TCF4: variants seen among roughly 807,000 people sequenced by gnomAD.
TCF4 encodes the protein transcription factor 4.
A neutral mutation model predicts 82.1 loss-of-function variants in TCF4; 3 were observed. The observed-to-expected ratio is 0.04, with a 90% CI of 0.02 to 0.09. The LOEUF (loss-of-function observed/expected upper bound fraction) is 0.09, where lower values mean the gene tolerates loss of function less well. TCF4 is among the 10% of genes least tolerant of loss of function. The probability of loss-of-function intolerance (pLI) is 1.00; values close to 1 mark genes in which losing one functional copy is unlikely to be tolerated. For synonymous variants in TCF4, 276 were observed against 309.6 expected, an observed-to-expected ratio of 0.89 and a Z score of 1.14; for missense variants, 518 against 852.7, an observed-to-expected ratio of 0.61 and a Z score of 4.89.
intron 10 of TCF4, among the ~76,000 whole-genome samples, chr18:55,270,453 AT>A (rs1384903662): frequency 6.6e-6 from 1 of 152,140 alleles, no homozygotes; most frequent in Admixed American, 6.6e-5. Context: ...CCCAAATTAA[AT>A]TTTTTTGAAC....
rs1197035334 is a variant in TCF4, at chr18:55,226,240, G to A, written c.*1795C>T. 6.6e-6 allele frequency: 1 copy of A among 152,024 alleles called. No homozygotes were observed. Among genetic ancestry groups the A allele is most frequent in the Non-Finnish European group, 1.5e-5 (1 of 67,894 alleles). The allele number at this position is 152,024 out of a possible 1,614,324, so 9.4% of individuals were successfully genotyped here. Reference sequence around the variant, plus strand: ...TCAATGGATTTATGGCATTTACTCAGTGCTGATAGGTGGAAAAACTACTTG... The same window carrying A: ...TCAATGGATTTATGGCATTTACTCAATGCTGATAGGTGGAAAAACTACTTG... On this transcript the variant is annotated 3_prime_UTR_variant, in exon 20 of 20. Coordinates refer to ENST00000354452, the MANE Select transcript of TCF4 (RefSeq NM_001083962.2).
intron 3 of TCF4, among the ~76,000 whole-genome samples, chr18:55,511,025 T>C (rs574410161): frequency 6.6e-6 from 1 of 152,260 alleles, no homozygotes; most frequent in African/African-American, 2.4e-5. Flanking sequence ...TCAACATGCC[T>C]CTCTTGGAGA....
At chr18:55,452,208 G>A (rs532155820) in intron 5 of TCF4, among the ~76,000 whole-genome samples, 1 of 152,258 alleles carries the variant, frequency 6.6e-6, no homozygotes, top group Non-Finnish European at 1.5e-5. Context: ...GAAACTTCTG[G>A]ACAAAAGTTG....
chr18:55,246,232 CGTGT>C (rs34773632), intron 15 of TCF4, among the ~76,000 whole-genome samples: 31 of 147,750 alleles, frequency 2.1e-4, no homozygotes, highest in South Asian at 4.4e-4. Context: ...TTTAAATACA[CGTGT>C]GTGTGTGTGT....
chr18:55,509,814 G>A (rs929137542), intron 3 of TCF4, among the ~76,000 whole-genome samples: 12 of 152,074 alleles, frequency 7.9e-5, no homozygotes, highest in Admixed American at 5.2e-4. Context: ...GGAAAGGGGC[G>A]GGGGGAAATC....
chr18:55,263,224 CAAAAT>C (rs2058415635), intron 11 of TCF4, among the ~76,000 whole-genome samples: 1 of 151,940 alleles, frequency 6.6e-6, no homozygotes, highest in Non-Finnish European at 1.5e-5. Flanking sequence ...TATCTCGTGA[CAAAAT>C]AAACTTCCAT....
At chr18:55,481,580 C>T (rs1366734007) in intron 3 of TCF4, among the ~76,000 whole-genome samples, 4 of 152,162 alleles carry the variant, frequency 2.6e-5, no homozygotes, top group Non-Finnish European at 5.9e-5. Flanking sequence ...CTCAGTATAT[C>T]GAAAAGATAT....
chr18:55,241,334 C>T (rs558806332), intron 15 of TCF4, among the ~76,000 whole-genome samples: 4 of 152,314 alleles, frequency 2.6e-5, no homozygotes, highest in South Asian at 2.1e-4. Context: ...GCTCACCTAG[C>T]GGGGACACTG....
At position 55,403,407 on chromosome 18, in the gene TCF4, A is replaced by G. The variant is rs78733544; in HGVS notation, c.369+47T>C. The stretch of plus-strand genomic sequence containing the variant: ...TCTAATTTAGAAAACAAACTGATTT[A>G]CCAGGTTAATCCTCTCAACCCTTCC... On this transcript the variant is annotated intron_variant, in intron 6 of 19. Coordinates refer to ENST00000354452, the MANE Select transcript of TCF4 (RefSeq NM_001083962.2). 886 of 1,599,754 alleles carry G rather than the reference A, an allele frequency of 5.5e-4. 5 individuals carry two copies. In the African/African-American group the frequency reaches 9.5e-3, roughly 17 times the overall value.
chr18:55,249,999 T>C lies in TCF4; in HGVS notation c.1350+4498A>G, dbSNP rs181479521. Among the ~76,000 whole-genome samples, 4 of 152,280 alleles carry C rather than the reference T, an allele frequency of 2.6e-5. No individual in the cohort carries two copies. In the East Asian group the frequency reaches 7.7e-4, roughly 29 times the overall value. On this transcript the variant is annotated intron_variant, in intron 15 of 19. Coordinates refer to ENST00000354452, the MANE Select transcript of TCF4 (RefSeq NM_001083962.2). Reference sequence around the variant, plus strand: ...CATAATTTATAAGAAATCTAATCATTTAATATCAGGATTAATCATGGAGGT... The same window carrying C: ...CATAATTTATAAGAAATCTAATCATCTAATATCAGGATTAATCATGGAGGT...
chr18:55,381,466 G>A (rs1569283725), intron 6 of TCF4, among the ~76,000 whole-genome samples: 1 of 152,196 alleles, frequency 6.6e-6, no homozygotes. Context: ...TGCTGCTTTG[G>A]CATTCTCAAC....
chr18:55,322,180 G>T (rs1266800318), intron 8 of TCF4: 2 of 1,055,794 alleles, frequency 1.9e-6, no homozygotes, highest in Non-Finnish European at 2.3e-6. Context: ...AACTGCCTTA[G>T]GGTAAAAGTG....
intron 6 of TCF4, chr18:55,351,889 T>C (rs1462040196): frequency 5.7e-6 from 5 of 880,026 alleles, no homozygotes; most frequent in Non-Finnish European, 6.8e-6. Flanking sequence ...GATAGTACCA[T>C]TTATATTAAG....
Position 55,335,746 on chromosome 18 carries a change from A to G in TCF4, c.549+14613T>C, listed in dbSNP as rs559641276. On this transcript the variant is annotated intron_variant, in intron 8 of 19. Transcript: ENST00000354452. Reference sequence around the variant, plus strand: ...ATAAAAAATGTAGTCATATTTGTGTAGATTTTCAAATGACACTTAGATTAA... The same window carrying G: ...ATAAAAAATGTAGTCATATTTGTGTGGATTTTCAAATGACACTTAGATTAA... Among the ~76,000 whole-genome samples, 85 of 152,310 alleles carry G rather than the reference A, an allele frequency of 5.6e-4. No homozygotes were observed. In the South Asian group the frequency reaches 7.9e-3, roughly 14 times the overall value.
intron 5 of TCF4, among the ~76,000 whole-genome samples, chr18:55,421,219 C>A (rs1156595259): frequency 6.6e-6 from 1 of 152,180 alleles, no homozygotes; most frequent in East Asian, 1.9e-4. Flanking sequence ...TACACACACA[C>A]AGGTTCATGT....
intron 2 of TCF4, chr18:55,586,150 G>GAGGAGCAGCAGCAGC: frequency 8.2e-7 from 1 of 1,222,988 alleles, no homozygotes; most frequent in Non-Finnish European, 1.1e-6. Flanking sequence ...GGAGGAGGAG[G>GAGGAGCAGCAGCAGC]AGGAGCAGCA....
intron 3 of TCF4, among the ~76,000 whole-genome samples, chr18:55,536,857 G>C (rs773335973): frequency 2.0e-5 from 3 of 152,144 alleles, no homozygotes; most frequent in Non-Finnish European, 4.4e-5. Flanking sequence ...GTTTCTGGCC[G>C]GGTGTGGTGG....
At chr18:55,444,506 A>T (rs764453928) in intron 5 of TCF4, among the ~76,000 whole-genome samples, 10 of 152,232 alleles carry the variant, frequency 6.6e-5, no homozygotes, top group Admixed American at 3.3e-4. Context: ...GGAAGCCAAG[A>T]TTAGCATCCT....
chr18:55,472,663 G>A (rs551194832), intron 3 of TCF4, among the ~76,000 whole-genome samples: 2 of 152,110 alleles, frequency 1.3e-5, no homozygotes, highest in South Asian at 4.1e-4. Context: ...TCTTAACTAA[G>A]ACAGTTTTCT....
Sources: allele counts gnomAD v4.1 joint callset (sites outside exome capture counted in the v4.1 genomes callset), GRCh38; gene constraint gnomAD v4.1.1; transcripts MANE v1.5; gene names NCBI Gene and HGNC (gene_info 2026-07-23, HGNC 2026-07-21).